FRG1: variants seen among roughly 807,000 people sequenced by gnomAD.
FRG1 encodes FSHD region gene 1.
A neutral mutation model predicts 37.0 loss-of-function variants in FRG1; 19 were observed. The ratio of observed to expected loss-of-function variants is 0.51; its 90% CI spans 0.36 to 0.75. The LOEUF (loss-of-function observed/expected upper bound fraction) is 0.75. Ranked by LOEUF, FRG1 falls within the 30% of genes least tolerant of loss-of-function variation. FRG1 has a pLI of 0.00. For missense variants in FRG1, 243 were observed against 301.4 expected, an observed-to-expected ratio of 0.81 and a Z score of 1.44; for synonymous variants, 73 against 96.5, an observed-to-expected ratio of 0.76 and a Z score of 1.43.
intron 2 of FRG1, among the ~76,000 whole-genome samples, chr4:189,947,134 G>T (rs887701509): frequency 6.6e-6 from 1 of 152,228 alleles, no homozygotes; most frequent in Non-Finnish European, 1.5e-5. Flanking sequence ...GAGCCGCGGT[G>T]CCCGGCCAGT....
intron 4 of FRG1, among the ~76,000 whole-genome samples, chr4:189,954,116 T>C (rs1312402773): frequency 3.9e-5 from 6 of 152,124 alleles, no homozygotes; most frequent in Non-Finnish European, 7.4e-5. Context: ...GAAAAACAAT[T>C]GTTATTCTAG....
At chr4:189,947,120 G>A (rs1368522835) in intron 2 of FRG1, among the ~76,000 whole-genome samples, 6 of 152,222 alleles carry the variant, frequency 3.9e-5, no homozygotes, top group Admixed American at 3.9e-4. Flanking sequence ...CGGGATCCAG[G>A]CGTGAGCCGC....
chr4:189,958,894 A>G (rs1737104302), intron 6 of FRG1, among the ~76,000 whole-genome samples: 1 of 152,164 alleles, frequency 6.6e-6, no homozygotes, highest in African/African-American at 2.4e-5. Context: ...TTGGCATTCC[A>G]TCTCAGTACT....
chr4:189,953,207 T>A, intron 4 of FRG1, 82 bp downstream of exon 4: 1 of 1,467,262 alleles, frequency 6.8e-7, no homozygotes, highest in East Asian at 2.5e-5. Flanking sequence ...GTATCTGTCT[T>A]AAGCCCACAG....
intron 6 of FRG1, chr4:189,959,766 G>C: frequency 2.3e-6 from 1 of 439,010 alleles, no homozygotes; most frequent in Non-Finnish European, 3.0e-6. Context: ...AAGTTTTCTG[G>C]GTCTCTTTGG....
At chr4:189,949,119 A>G (rs1471171947) in intron 2 of FRG1, among the ~76,000 whole-genome samples, 1 of 152,210 alleles carries the variant, frequency 6.6e-6, no homozygotes, top group East Asian at 1.9e-4. Flanking sequence ...ATAGCAAGTA[A>G]TGTTTTAGAG....
intron 5 of FRG1, 43 bp downstream of exon 5, chr4:189,955,194 CAG>C (rs1736931746): frequency 9.3e-7 from 1 of 1,078,274 alleles, no homozygotes; most frequent in South Asian, 1.4e-5. Context: ...GTCAGTTTAA[CAG>C]AAAGTCTGTT....
intron 2 of FRG1, among the ~76,000 whole-genome samples, chr4:189,951,693 C>T (rs1389188051): frequency 6.6e-6 from 1 of 151,934 alleles, no homozygotes; most frequent in South Asian, 2.1e-4. Context: ...TGAGACAGGA[C>T]CTTGCTCTGT....
intron 1 of FRG1, among the ~76,000 whole-genome samples, chr4:189,942,653 C>T (rs199674201): frequency 6.6e-6 from 1 of 152,126 alleles, no homozygotes; most frequent in African/African-American, 2.4e-5. Flanking sequence ...GTGACTAATG[C>T]TAGTGTGAAT....
At chr4:189,953,514 G>A (rs1031914425) in intron 4 of FRG1, among the ~76,000 whole-genome samples, 1 of 151,964 alleles carries the variant, frequency 6.6e-6, no homozygotes, top group African/African-American at 2.4e-5. Flanking sequence ...GAATCATAAC[G>A]ACCAAAAGAA....
chr4:189,949,942 A>C (rs1736683840), intron 2 of FRG1, among the ~76,000 whole-genome samples: 1 of 152,196 alleles, frequency 6.6e-6, no homozygotes, highest in South Asian at 2.1e-4. Flanking sequence ...GTGGCATTTA[A>C]ATACATGCAC....
At chr4:189,951,629 A>G (rs567512249) in intron 2 of FRG1, among the ~76,000 whole-genome samples, 40 of 152,238 alleles carry the variant, frequency 2.6e-4, no homozygotes, top group African/African-American at 8.2e-4. Context: ...ACCATTCTCT[A>G]TATGTCACTT....
intron 1 of FRG1, among the ~76,000 whole-genome samples, chr4:189,942,549 A>G (rs1465269998): frequency 7.2e-5 from 11 of 152,120 alleles, no homozygotes. Flanking sequence ...GTTCCTTTTT[A>G]TGGCTGCATA....
At chr4:189,943,112 C>G in intron 1 of FRG1, 90 bp from the exon 2 acceptor site, 1 of 1,348,922 alleles carries the variant, frequency 7.4e-7, no homozygotes, top group Non-Finnish European at 1.0e-6. Context: ...ATAAATGAAA[C>G]AGCTTAAAAG....
chr4:189,953,274 A>G, intron 4 of FRG1, 149 bp downstream of exon 4: 1 of 1,286,428 alleles, frequency 7.8e-7, no homozygotes, highest in Non-Finnish European at 1.0e-6. Flanking sequence ...TTTGTGATCT[A>G]CTTTTAATGG....
rs202227709 is a variant in FRG1 at position 189,941,084 on chromosome 4, G to A, written c.62+13G>A. The A allele has an allele frequency of 1.2e-6, 2 of 1,612,386 alleles. No individual in the cohort carries two copies. Among genetic ancestry groups the A allele is most frequent in the Admixed American group, 1.7e-5 (1 of 60,014 alleles). ...CCAAGACGAAGAGGTGGGTCCTGCA[G>A]CTTGGGCGGGAGCCTCCTCCGTTCT... On this transcript the variant is annotated intron_variant, in intron 1 of 8. Transcript: ENST00000226798.
Position 189,960,716 on chromosome 4 carries a change from T to C in FRG1, c.538-32T>C, listed in dbSNP as rs878921485. 2.0e-5 allele frequency: 30 copies of C among 1,525,132 alleles called. No individual in the cohort carries two copies. In the South Asian group the frequency reaches 3.5e-4, roughly 18 times the overall value. The allele number at this position is 1,525,132 out of a possible 1,614,324, so 94.5% of individuals were successfully genotyped here. A position where few individuals can be genotyped will look rare whatever the true frequency, so the allele number is the denominator to read the frequency against. On this transcript the variant is annotated intron_variant, in intron 6 of 8. Coordinates refer to ENST00000226798, the MANE Select transcript of FRG1 (RefSeq NM_004477.3). ...GTGGGGAAGGTGGAAGATAAACATA[T>C]AACCCATTGGATTCTCTTTTCCAAT...
chr4:189,942,662 A>G (rs1579615212), intron 1 of FRG1, among the ~76,000 whole-genome samples: 1 of 152,186 alleles, frequency 6.6e-6, no homozygotes, highest in Non-Finnish European at 1.5e-5. Flanking sequence ...GCTAGTGTGA[A>G]TATTCTTATG....
rs1029736256 is a variant in FRG1 at position 189,947,224 on chromosome 4, T to G, written c.133+3952T>G. 2.6e-5 allele frequency among the ~76,000 whole-genome samples: 4 copies of G among 152,246 alleles called. No homozygotes were observed. In the South Asian group the frequency reaches 8.3e-4, roughly 32 times the overall value. On this transcript the variant is annotated intron_variant, in intron 2 of 8. Transcript: ENST00000226798. The stretch of plus-strand genomic sequence containing the variant: ...ATCTTCTGTGTCCTTACTGATTTTT[T>G]ACTAATGCTACAGTGTATTGATAGT...
Sources: gnomAD v4.1 joint callset for allele counts (sites outside exome capture counted in the v4.1 genomes callset) on GRCh38, gnomAD v4.1.1 for gene constraint, MANE v1.5 for transcripts, NCBI Gene and HGNC (gene_info 2026-07-23, HGNC 2026-07-21) for gene names.